The following CDKL3 variants were observed in gnomAD, a reference collection of about 807,000 sequenced individuals.
The protein encoded by CDKL3 is cyclin dependent kinase like 3.
In CDKL3, 65 loss-of-function variants were observed where a neutral mutation model predicts 69.3. The observed-to-expected ratio is 0.94, with a 90% confidence interval of 0.77 to 1.15. CDKL3 has a LOEUF of 1.15. Ranked by LOEUF, CDKL3 falls within the 50% of genes most tolerant of loss-of-function variation. The pLI is 0.00. For missense variants in CDKL3, 652 were observed against 689.2 expected (o/e 0.95, Z 0.61); for synonymous variants, 202 against 221.6 (o/e 0.91, Z 0.79).
rs756114762 is a variant in CDKL3, at chr5:134,304,557, T to C, written c.1469A>G (p.Glu490Gly). The C allele has an allele frequency of 6.2e-7, 1 of 1,600,952 alleles. No homozygotes were observed. The highest frequency in any genetic ancestry group is 8.5e-7 in the Non-Finnish European group (1 of 1,175,058). ...TGTTCGCTCATTAAATATACCCTTCTCCATTTGGCTCTAAACAAACAAACA... is the reference window on the plus strand; with the variant it reads ...TGTTCGCTCATTAAATATACCCTTCCCCATTTGGCTCTAAACAAACAAACA... The part of the protein sequence containing the change: ...EDPGPIQSQM[E>G]KGIFNERTGH... The change falls in exon 11 of 13, where the codon GAG becomes GGG. Residue 490 changes from glutamate to glycine, a missense_variant. Transcript: ENST00000265334.
chr5:134,360,073 G>A lies in CDKL3; in HGVS notation c.184C>T (p.Leu62=), dbSNP rs1470262637. The change falls in exon 3 of 13, where the codon CTG becomes TTG. Residue 62 remains leucine (L), a synonymous_variant. Transcript: ENST00000265334. The part of the protein sequence containing the change: ...KFLKQFHHEN[L]VNLIEVFRQK... ...CTAAAAACTTCAATCAGATTGACCA[G>A]GTTTTCGTGATGAAATTGCTATTGA... The A allele has an allele frequency of 3.9e-6, 6 of 1,532,534 alleles. No homozygotes were observed. Among genetic ancestry groups the A allele is most frequent in the Middle Eastern group, 2.0e-4 (1 of 5,004 alleles). The allele number at this position is 1,532,534 out of a possible 1,614,324, so 94.9% of individuals were successfully genotyped here. A position where few individuals can be genotyped will look rare whatever the true frequency, so the allele number is the denominator to read the frequency against.
intron 8 of CDKL3, among the ~76,000 whole-genome samples, chr5:134,289,114 A>T (rs1215091773): frequency 1.4e-5 from 2 of 145,790 alleles, no homozygotes; most frequent in African/African-American, 2.6e-5. Flanking sequence ...GTAAGTTATG[A>T]TCATGTTACT....
chr5:134,303,403 G>C (rs1012322101), intron 11 of CDKL3, among the ~76,000 whole-genome samples: 8 of 152,014 alleles, frequency 5.3e-5, no homozygotes, highest in African/African-American at 1.9e-4. Flanking sequence ...TTAATCCTTG[G>C]ATGCTCAAAA....
At chr5:134,345,660 G>A (rs1394610793) in intron 4 of CDKL3, among the ~76,000 whole-genome samples, 2 of 152,206 alleles carry the variant, frequency 1.3e-5, no homozygotes, top group African/African-American at 2.4e-5. Flanking sequence ...GGCAGGGGCA[G>A]GGGACACAAG....
chr5:134,367,392 T>G (rs1757717878), upstream of CDKL3: 1 of 389,170 alleles, frequency 2.6e-6, no homozygotes, highest in Non-Finnish European at 3.2e-6. Flanking sequence ...TTTTTTTTTT[T>G]GAGATAGTCT....
At chr5:134,329,362 A>G (rs952745305) in intron 4 of CDKL3, among the ~76,000 whole-genome samples, 1 of 152,164 alleles carries the variant, frequency 6.6e-6, no homozygotes, top group African/African-American at 2.4e-5. Context: ...TCCACATGAA[A>G]AAACAAAGAG....
chr5:134,355,361 A>T (rs571543776), intron 3 of CDKL3, among the ~76,000 whole-genome samples: 1 of 152,316 alleles, frequency 6.6e-6, no homozygotes, highest in East Asian at 1.9e-4. Flanking sequence ...CTACAAAGGA[A>T]AGGAACATAG....
At chr5:134,371,472 C>A (rs937839247), upstream of CDKL3, 5 of 1,165,494 alleles carry the variant, frequency 4.3e-6, no homozygotes, top group Non-Finnish European at 5.9e-6. Flanking sequence ...GTTTGTCAGT[C>A]TCGGCGGCGG....
intron 9 of CDKL3, 54 bp downstream of exon 9, chr5:134,308,084 T>C (rs1768376783): frequency 6.6e-7 from 1 of 1,514,830 alleles, no homozygotes; most frequent in Non-Finnish European, 8.9e-7. Flanking sequence ...TTCTTTGAAA[T>C]ACCATTATAC....
At chr5:134,354,310 C>A (rs1754032921) in intron 3 of CDKL3, among the ~76,000 whole-genome samples, 1 of 152,148 alleles carries the variant, frequency 6.6e-6, no homozygotes, top group Non-Finnish European at 1.5e-5. Context: ...AAAATTTTAT[C>A]AAGTGAATTA....
intron 4 of CDKL3, among the ~76,000 whole-genome samples, chr5:134,349,780 C>A (rs917436077): frequency 6.6e-6 from 1 of 152,118 alleles, no homozygotes; most frequent in African/African-American, 2.4e-5. Context: ...CCTAAAGGAT[C>A]TGTTATGTTA....
intron 2 of CDKL3, among the ~76,000 whole-genome samples, chr5:134,361,636 G>A (rs760436475): frequency 4.7e-4 from 72 of 152,284 alleles, no homozygotes; most frequent in Non-Finnish European, 7.2e-4. Context: ...GGGCATGGTG[G>A]TGCACACCTA....
At chr5:134,341,091 C>A (rs1411137585) in intron 4 of CDKL3, among the ~76,000 whole-genome samples, 2 of 152,138 alleles carry the variant, frequency 1.3e-5, no homozygotes, top group Non-Finnish European at 2.9e-5. Flanking sequence ...AAAAAAATTT[C>A]TCATTTTGAT....
At chr5:134,349,835 G>A (rs1339412203) in intron 4 of CDKL3, among the ~76,000 whole-genome samples, 4 of 151,970 alleles carry the variant, frequency 2.6e-5, no homozygotes, top group South Asian at 2.1e-4. Flanking sequence ...AGATGCAGAC[G>A]GCAGAATGTG....
rs1394327235 is a variant in CDKL3, at chr5:134,299,776, T to C, written c.1720-1066A>G. 4 of 1,406,896 alleles carry C rather than the reference T, an allele frequency of 2.8e-6. No homozygotes were observed. The Admixed American group carries it at 8.0e-5, about 28-fold the overall frequency. 87.2% of individuals were successfully genotyped at this position (1,406,896 alleles called of 1,614,324 possible). On this transcript the variant is annotated intron_variant, in intron 12 of 12. Coordinates refer to ENST00000265334, the MANE Select transcript of CDKL3 (RefSeq NM_001113575.2). The stretch of plus-strand genomic sequence containing the variant: ...CTAAAAAGTAAATAGAAACAGGTCT[T>C]TAATTGAGGACATGGTGAGTCTTTG...
chr5:134,321,470 T>C (rs1207509658), intron 5 of CDKL3, among the ~76,000 whole-genome samples: 2 of 152,216 alleles, frequency 1.3e-5, no homozygotes, highest in African/African-American at 2.4e-5. Context: ...AGTCCTTATA[T>C]AAAGGTACAG....
At chr5:134,287,855 A>G (rs1169236277) in intron 8 of CDKL3, among the ~76,000 whole-genome samples, 2 of 149,886 alleles carry the variant, frequency 1.3e-5, no homozygotes, top group Non-Finnish European at 3.0e-5. Flanking sequence ...CCAGTAACTC[A>G]TCTTCTCGAC....
intron 10 of CDKL3, among the ~76,000 whole-genome samples, chr5:134,304,809 C>T (rs1767298992): frequency 6.9e-6 from 1 of 144,976 alleles, no homozygotes; most frequent in African/African-American, 2.6e-5. Flanking sequence ...GTCATGAGAA[C>T]CACAATAATA....
chr5:134,370,653 A>C (rs1239381811), upstream of CDKL3, among the ~76,000 whole-genome samples: 3 of 152,326 alleles, frequency 2.0e-5, no homozygotes, highest in African/African-American at 7.2e-5. Flanking sequence ...CCATCCTTTA[A>C]TATTTGCCCA....
Sources: gnomAD v4.1 joint callset for allele counts (sites outside exome capture counted in the v4.1 genomes callset) on GRCh38, gnomAD v4.1.1 for gene constraint, MANE v1.5 for transcripts, NCBI Gene and HGNC (gene_info 2026-07-23, HGNC 2026-07-21) for gene names.